ZNF358: variants seen among roughly 807,000 people sequenced by gnomAD.
ZNF358 encodes the protein zinc finger protein 358.
In ZNF358, 1 loss-of-function variant was observed where a neutral mutation model predicts 2.1. The observed-to-expected ratio is 0.49, with a 90% CI of 0.17 to 2.30. ZNF358 has a LOEUF of 2.30. Ranked by LOEUF, ZNF358 falls within the 30% of genes most tolerant of loss-of-function variation. The pLI, the probability that ZNF358 is intolerant of heterozygous loss-of-function variation, is 0.26. For missense variants in ZNF358, 665 were observed against 806.8 expected, an observed-to-expected ratio of 0.82 and a Z score of 2.13; for synonymous variants, 381 against 359.7, an observed-to-expected ratio of 1.06 and a Z score of -0.67.
chr19:7,513,940 C>G (rs1251086262), upstream of ZNF358: 4 of 152,122 alleles, frequency 2.6e-5, no homozygotes, highest in Non-Finnish European at 5.9e-5. Context: ...TCCACTAAAA[C>G]CAGCTCAAAC....
upstream of ZNF358, among the ~76,000 whole-genome samples, chr19:7,515,695 G>T (rs1283174843): frequency 6.6e-6 from 1 of 152,114 alleles, no homozygotes; most frequent in Non-Finnish European, 1.5e-5. Flanking sequence ...CACAGAGAGA[G>T]ATAGAGGCAG....
rs1287092231 is a variant in ZNF358, at chr19:7,520,253, C to T, written c.1011C>T (p.His337=). The change falls in exon 2 of 2, where the codon CAC becomes CAT. Residue 337 remains histidine (H), a synonymous_variant. Transcript: ENST00000597229. This position sits in a 1 kb window ranked among gnomAD's most constrained non-coding sequence, Gnocchi z 6.0. ...GGCAGAGCTCCAACTTGCAACACCA[C>T]CTGCGCATCCACACGGGCGAGCGGC... ...AFGQSSNLQH[H]LRIHTGERPY... is the part of the protein sequence containing the mutation. 5 of 1,608,688 alleles carry T rather than the reference C, an allele frequency of 3.1e-6. No homozygotes were observed. The Admixed American group carries it at 6.7e-5, about 21-fold the overall frequency.
upstream of ZNF358, among the ~76,000 whole-genome samples, chr19:7,515,818 T>G: frequency 6.7e-6 from 1 of 148,822 alleles, no homozygotes; most frequent in East Asian, 2.0e-4. Flanking sequence ...TGAACAGAGA[T>G]AGAGAGATAG....
chr19:7,514,930 C>T (rs776921119), upstream of ZNF358, among the ~76,000 whole-genome samples: 9 of 152,180 alleles, frequency 5.9e-5, no homozygotes, highest in Non-Finnish European at 1.2e-4. Flanking sequence ...CGCACCCAGC[C>T]TATACTGGGT....
chr19:7,520,637 C>T lies in ZNF358; in HGVS notation c.1395C>T (p.Gly465=), dbSNP rs12977657. 6.4e-7 allele frequency: 1 copy of T among 1,555,518 alleles called. No individual in the cohort carries two copies. The highest frequency in any genetic ancestry group is 2.4e-5 in the East Asian group (1 of 41,804). ...GTSSGRNPDP[G]SGPGTLPDPS... is the part of the protein sequence containing the mutation. ...GCTCTGGCCGCAACCCTGACCCTGG[C>T]TCTGGGCCGGGCACTCTGCCGGATC... The change falls in exon 2 of 2, where the codon GGC becomes GGT. Residue 465 remains glycine (G), a synonymous_variant. Transcript: ENST00000597229. The surrounding 1 kb of genome is among the most constrained non-coding windows in gnomAD (Gnocchi z 6.0).
At position 7,520,852 on chromosome 19, in the gene ZNF358, G is replaced by A; in HGVS notation, c.1610G>A (p.Cys537Tyr). 6.2e-7 allele frequency: 1 copy of A among 1,614,096 alleles called. No individual in the cohort carries two copies. Among genetic ancestry groups the A allele is most frequent in the Non-Finnish European group, 8.5e-7 (1 of 1,180,030 alleles). The change falls in exon 2 of 2, where the codon TGT (cysteine) becomes TAT (tyrosine). Residue 537 changes from cysteine (C) to tyrosine (Y), a missense_variant. Around this residue, in one of 3 missense-constraint regions of ZNF358, gnomAD observed 249 missense variants for 227.6 expected, o/e 1.09. Transcript: ENST00000597229. This position sits in a 1 kb window ranked among gnomAD's most constrained non-coding sequence, Gnocchi z 6.0. ...AACCCTGTGTCCTGCCCTGACCCCT[G>A]TTCTCCCACTCGTGGCACTGTCAGC... ...DPNPVSCPDP[C>Y]SPTRGTVSPA... is the part of the protein sequence containing the mutation.
At chr19:7,514,698 T>A (rs562966786), upstream of ZNF358, among the ~76,000 whole-genome samples, 1 of 152,342 alleles carries the variant, frequency 6.6e-6, no homozygotes, top group East Asian at 1.9e-4. Flanking sequence ...AGTGGTGCAA[T>A]CTCGGCTCAC....
upstream of ZNF358, among the ~76,000 whole-genome samples, chr19:7,514,790 G>A (rs896445988): frequency 1.3e-5 from 2 of 152,114 alleles, no homozygotes; most frequent in Non-Finnish European, 2.9e-5. Context: ...CTGCCACCAC[G>A]CCTGGCTAAT....
intron 1 of ZNF358, 141 bp from the exon 2 acceptor site, chr19:7,519,064 C>CAAAA (rs397859220): frequency 6.3e-4 from 363 of 577,090 alleles, no homozygotes; most frequent in African/African-American, 1.2e-3. Flanking sequence ...GACCCCATCT[C>CAAAA]AAAAAAAAAA....
At position 7,516,903 on chromosome 19, in the gene ZNF358, C is replaced by G. The variant is rs1252454919; in HGVS notation, c.-39+654C>G. On this transcript the variant is annotated intron_variant, in intron 1 of 1. Coordinates refer to ENST00000597229, the MANE Select transcript of ZNF358 (RefSeq NM_018083.5). This position sits in a 1 kb window ranked among gnomAD's most constrained non-coding sequence, Gnocchi z 5.9. Reference sequence around the variant, plus strand: ...TCCCCTGGAGGCAATCTAAGGGTTCCTCTGCCCCTGATGCAGGAGGGGTCC... The same window carrying G: ...TCCCCTGGAGGCAATCTAAGGGTTCGTCTGCCCCTGATGCAGGAGGGGTCC... 6.6e-6 allele frequency among the ~76,000 whole-genome samples: 1 copy of G among 152,154 alleles called. No individual in the cohort carries two copies. Among genetic ancestry groups the G allele is most frequent in the Non-Finnish European group, 1.5e-5 (1 of 68,012 alleles).
Position 7,520,895 on chromosome 19 carries a change from C to G in ZNF358, c.1653C>G (p.Gly551=). ...RGTVSPALPT[G]ESPEWVQEQG... ...CTGTCAGCCCAGCCCTCCCTACCGG[C>G]GAGAGTCCAGAGTGGGTACAGGAGC... is the stretch of plus-strand genomic sequence containing the variant. Residue 551 remains glycine (G), a synonymous_variant, in exon 2 of 2, where the codon GGC becomes GGG. Transcript: ENST00000597229. The surrounding 1 kb of genome is among the most constrained non-coding windows in gnomAD (Gnocchi z 6.0). 1 of 1,614,054 alleles carries G rather than the reference C, an allele frequency of 6.2e-7. No homozygotes were observed. The highest frequency in any genetic ancestry group is 8.5e-7 in the Non-Finnish European group (1 of 1,180,020).
At position 7,520,495 on chromosome 19, in the gene ZNF358, T is replaced by G. The variant is rs2022457132; in HGVS notation, c.1253T>G (p.Leu418Arg). 8.0e-7 allele frequency: 1 copy of G among 1,244,190 alleles called. No individual in the cohort carries two copies. Among genetic ancestry groups the G allele is most frequent in the Non-Finnish European group, 1.1e-6 (1 of 900,128 alleles). 77.1% of individuals were successfully genotyped at this position (1,244,190 alleles called of 1,614,324 possible). A position where few individuals can be genotyped will look rare whatever the true frequency, so the allele number is the denominator to read the frequency against. Residue 418 changes from leucine (L) to arginine (R), a missense_variant, in exon 2 of 2, where the codon CTG becomes CGG. This residue lies in a region of ZNF358 where 249 missense variants were observed against 227.6 expected (regional missense o/e 1.09). Transcript: ENST00000597229. The surrounding 1 kb of genome is among the most constrained non-coding windows in gnomAD (Gnocchi z 6.0). ...GCAGCTGCAGCAGCGGCCGCCGGCC[T>G]GGGCCTCGGGCCTGGCCTAAGCCCT... ...AAAAAAAAAG[L>R]GLGPGLSPAS... is the part of the protein sequence containing the mutation.
intron 1 of ZNF358, 55 bp from the exon 2 acceptor site, chr19:7,519,150 A>AC (rs1713542414): frequency 6.0e-6 from 9 of 1,504,492 alleles, no homozygotes; most frequent in Non-Finnish European, 7.9e-6. Context: ...TCCAAAAGAC[A>AC]CCCCCGCTCC....
Position 7,520,025 on chromosome 19 carries a change from G to C in ZNF358, c.783G>C (p.Arg261=), listed in dbSNP as rs1458552286. The C allele has an allele frequency of 3.9e-6, 6 of 1,536,568 alleles. No homozygotes were observed. Among genetic ancestry groups the C allele is most frequent in the Non-Finnish European group, 5.2e-6 (6 of 1,148,460 alleles). ...AQHLRTHGGP[R]PHKCPVCAKG... is the part of the protein sequence containing the mutation. ...ACCTGCGCACGCACGGCGGCCCGCG[G>C]CCCCACAAGTGCCCGGTGTGCGCCA... Residue 261 remains arginine (R), a synonymous_variant, in exon 2 of 2, where the codon CGG becomes CGC. Coordinates refer to ENST00000597229, the MANE Select transcript of ZNF358 (RefSeq NM_018083.5). This position sits in a 1 kb window ranked among gnomAD's most constrained non-coding sequence, Gnocchi z 6.0.
chr19:7,515,016 T>G (rs1019321938), upstream of ZNF358, among the ~76,000 whole-genome samples: 1 of 152,136 alleles, frequency 6.6e-6, no homozygotes, highest in Admixed American at 6.6e-5. Context: ...TTCAGTGATT[T>G]TTGTCTCAGA....
rs536638950 is a variant in ZNF358, at chr19:7,516,981, G to T, written c.-39+732G>T. On this transcript the variant is annotated intron_variant, in intron 1 of 1. Coordinates refer to ENST00000597229, the MANE Select transcript of ZNF358 (RefSeq NM_018083.5). This position sits in a 1 kb window ranked among gnomAD's most constrained non-coding sequence, Gnocchi z 5.9. ...TATGGGGTCTGGGTTGAGGACCGCC[G>T]TCCAGGAACTCGGCTCTGTTTGCCT... is the stretch of plus-strand genomic sequence containing the variant. 2.5e-4 allele frequency among the ~76,000 whole-genome samples: 38 copies of T among 152,258 alleles called. No homozygotes were observed. Among genetic ancestry groups the T allele is most frequent in the Admixed American group, 6.5e-4 (10 of 15,306 alleles).
rs1162451114 is a variant in ZNF358, at chr19:7,520,209, C to G, written c.967C>G (p.His323Asp). 6.2e-7 allele frequency: 1 copy of G among 1,600,704 alleles called. No individual in the cohort carries two copies. Residue 323 changes from histidine (H) to aspartate (D), a missense_variant, in exon 2 of 2, where the codon CAC becomes GAC. His to Asp is a moderately conservative substitution (Grantham distance 81). Transcript: ENST00000597229. The surrounding 1 kb of genome is among the most constrained non-coding windows in gnomAD (Gnocchi z 6.0). ...HTAERPYRCP[H>D]CGKAFGQSSN... ...GGCCGAGCGCCCCTACCGCTGCCCC[C>G]ACTGCGGCAAAGCCTTCGGGCAGAG...
In ZNF358 at chr19:7,516,358, C is replaced by A. The variant is rs113394178; in HGVS notation, c.-39+109C>A. ...GCAGCCCGGGGCGACCTCTAATCGTCCCCCGCCCTGCGCGCCGCCGGCCCT... is the reference window on the plus strand; with the variant it reads ...GCAGCCCGGGGCGACCTCTAATCGTACCCCGCCCTGCGCGCCGCCGGCCCT... On this transcript the variant is annotated intron_variant, in intron 1 of 1. Transcript: ENST00000597229. The surrounding 1 kb of genome is among the most constrained non-coding windows in gnomAD (Gnocchi z 5.9). 0.56 allele frequency: 82,917 copies of A among 148,748 alleles called. 23,363 individuals carry two copies. The highest frequency in any genetic ancestry group is 0.59 in the Non-Finnish European group (39,188 of 66,484). 9.2% of individuals were successfully genotyped at this position (148,748 alleles called of 1,614,324 possible). A position where few individuals can be genotyped will look rare whatever the true frequency, so the allele number is the denominator to read the frequency against.
rs1246443398 is a variant in ZNF358 at position 7,519,417 on chromosome 19, C to G, written c.175C>G (p.Pro59Ala). ...DLNTVPEDVD[P>A]SYEDLEPVSE... ...CAACACTGTCCCGGAAGACGTGGAC[C>G]CCAGCTATGAAGATCTGGAGCCCGT... Residue 59 changes from proline to alanine, a missense_variant, in exon 2 of 2, where the codon CCC becomes GCC. Pro to Ala is a conservative substitution (Grantham distance 27). This residue lies in a region of ZNF358 where 206 missense variants were observed against 228.4 expected (regional missense o/e 0.90). Transcript: ENST00000597229. 6.2e-7 allele frequency: 1 copy of G among 1,613,976 alleles called. No homozygotes were observed. Among genetic ancestry groups the G allele is most frequent in the East Asian group, 2.2e-5 (1 of 44,894 alleles).
Sources: gnomAD v4.1 joint callset for allele counts (sites outside exome capture counted in the v4.1 genomes callset) on GRCh38, gnomAD v4.1.1 for gene constraint, gnomAD v4.1.1 regional missense constraint, Gnocchi (gnomAD v3.1) non-coding constraint, MANE v1.5 for transcripts, NCBI Gene and HGNC (gene_info 2026-07-23, HGNC 2026-07-21) for gene names.